Variants in HIPK2 observed in about 807,000 individuals in gnomAD.
The protein encoded by HIPK2 is homeodomain-interacting protein kinase 2.
Under a neutral mutation model 113.7 loss-of-function variants are expected in HIPK2, and 27 were observed. The ratio of observed to expected loss-of-function variants is 0.24; its 90% CI spans 0.17 to 0.33. The LOEUF (loss-of-function observed/expected upper bound fraction) is 0.33. HIPK2 is among the 10% of genes least tolerant of loss of function. The pLI is 1.00. For missense variants in HIPK2, 1,257 were observed against 1,588.0 expected (o/e 0.79, Z 3.54); for synonymous variants, 631 against 642.2 (o/e 0.98, Z 0.26).
chr7:139,668,266 AGGTATGATTTACT>A (rs1393731798), intron 2 of HIPK2, among the ~76,000 whole-genome samples: 1 of 152,052 alleles, frequency 6.6e-6, no homozygotes, highest in Non-Finnish European at 1.5e-5. Context: ...TATTTTAAAA[AGGTATGATTTACT>A]GGCCGAGTGC....
At chr7:139,677,687 T>C (rs1199294357) in intron 2 of HIPK2, among the ~76,000 whole-genome samples, 1 of 152,206 alleles carries the variant, frequency 6.6e-6, no homozygotes, top group Non-Finnish European at 1.5e-5. Context: ...CAACCAGTTA[T>C]CTACATTAGG....
chr7:139,604,683 CAAAAAAAAAAAAAAAAA>C (rs11353760), intron 9 of HIPK2, among the ~76,000 whole-genome samples: 1 of 48,770 alleles, frequency 2.1e-5, no homozygotes, highest in African/African-American at 7.7e-5. Context: ...GACTCCGTCT[CAAAAAAAAAAAAAAAAA>C]AAAAAAAAAG....
intron 2 of HIPK2, among the ~76,000 whole-genome samples, chr7:139,645,623 A>G (rs184237630): frequency 1.3e-5 from 2 of 152,344 alleles, no homozygotes; most frequent in Admixed American, 1.3e-4. Flanking sequence ...TCCTGTAAGT[A>G]CAGGATGCGG....
At chr7:139,594,950 T>G (rs1349762021) in intron 12 of HIPK2, among the ~76,000 whole-genome samples, 1 of 152,164 alleles carries the variant, frequency 6.6e-6, no homozygotes, top group East Asian at 1.9e-4. Flanking sequence ...TCTGGGGGCC[T>G]TAGGGGCTGC....
chr7:139,591,007 G>A (rs75442834), intron 12 of HIPK2, among the ~76,000 whole-genome samples: 23,508 of 151,924 alleles, frequency 0.15, 2,020 homozygotes, highest in African/African-American at 0.22. Flanking sequence ...ACTGTGCCTG[G>A]GGAATTTAAA....
chr7:139,649,111 A>G (rs1801358273), intron 2 of HIPK2, among the ~76,000 whole-genome samples: 1 of 152,196 alleles, frequency 6.6e-6, no homozygotes, highest in African/African-American at 2.4e-5. Flanking sequence ...TCTAACCTAG[A>G]GGTGACTTGC....
intron 12 of HIPK2, among the ~76,000 whole-genome samples, chr7:139,588,270 A>T (rs1051911299): frequency 6.6e-6 from 1 of 151,876 alleles, no homozygotes; most frequent in African/African-American, 2.4e-5. Flanking sequence ...GTGAGCAGAG[A>T]TCACACCACC....
chr7:139,752,745 AAG>A (rs1796299144), intron 1 of HIPK2, among the ~76,000 whole-genome samples: 1 of 151,880 alleles, frequency 6.6e-6, no homozygotes, highest in African/African-American at 2.4e-5. Context: ...AAAAAAGAAA[AAG>A]AGAAAGAAAA....
Position 139,651,885 on chromosome 7 carries a change from T to C in HIPK2, c.1104-20160A>G, listed in dbSNP as rs200797385. ...TGTTTGTTTATGGAGGTCTTCGTTA[T>C]ATAAGACCTCCGTGGAGAGGAACTG... is the stretch of plus-strand genomic sequence containing the variant. On this transcript the variant is annotated intron_variant, in intron 2 of 14. Coordinates refer to ENST00000406875, the MANE Select transcript of HIPK2 (RefSeq NM_022740.5). Among the ~76,000 whole-genome samples the C allele has an allele frequency of 7.9e-5, 12 of 152,338 alleles. No individual in the cohort carries two copies. In the East Asian group the frequency reaches 2.3e-3, roughly 29 times the overall value.
At chr7:139,774,755 T>C (rs56086211) in intron 1 of HIPK2, among the ~76,000 whole-genome samples, 9,673 of 152,260 alleles carry the variant, frequency 0.064, 1,033 homozygotes, top group African/African-American at 0.22. Context: ...TGGTTGGCCT[T>C]TGCACTAGAT....
At position 139,586,297 on chromosome 7, in the gene HIPK2, A is replaced by T. The variant is rs141982709; in HGVS notation, c.2718-2233T>A. Among the ~76,000 whole-genome samples the T allele has an allele frequency of 4.9e-3, 750 of 152,316 alleles. 7 individuals are homozygous for T. The highest frequency in any genetic ancestry group is 0.017 in the African/African-American group (702 of 41,578). ...CTAAACACAGAGTTACCCTATAGCA[A>T]TTCCATTCCTAAGTACATTCTCAAA... is the stretch of plus-strand genomic sequence containing the variant. On this transcript the variant is annotated intron_variant, in intron 12 of 14. Transcript: ENST00000406875.
At chr7:139,743,018 G>A (rs767435339) in intron 1 of HIPK2, among the ~76,000 whole-genome samples, 3 of 152,212 alleles carry the variant, frequency 2.0e-5, no homozygotes, top group Non-Finnish European at 4.4e-5. Flanking sequence ...ACAAACTAGT[G>A]GAGATGGCTC....
At chr7:139,718,992 G>A (rs766978535) in intron 1 of HIPK2, among the ~76,000 whole-genome samples, 2 of 152,126 alleles carry the variant, frequency 1.3e-5, no homozygotes, top group Non-Finnish European at 2.9e-5. Flanking sequence ...GTTTCAGCCC[G>A]TTCTTCTTAA....
At chr7:139,675,513 T>C (rs541793485) in intron 2 of HIPK2, among the ~76,000 whole-genome samples, 8 of 152,180 alleles carry the variant, frequency 5.3e-5, no homozygotes, top group African/African-American at 1.9e-4. Flanking sequence ...CGACACAGCA[T>C]GAGGGGCAGG....
chr7:139,592,956 G>A (rs1184572272), intron 12 of HIPK2, among the ~76,000 whole-genome samples: 1 of 152,070 alleles, frequency 6.6e-6, no homozygotes, highest in Non-Finnish European at 1.5e-5. Context: ...AGCTGACTCC[G>A]CCCTTCTCAG....
chr7:139,678,118 T>C (rs1481317732), intron 2 of HIPK2, among the ~76,000 whole-genome samples: 1 of 152,246 alleles, frequency 6.6e-6, no homozygotes, highest in Non-Finnish European at 1.5e-5. Context: ...TTCTGGATAT[T>C]AGCCCTTTGT....
At chr7:139,682,398 G>C (rs1262645274) in intron 2 of HIPK2, among the ~76,000 whole-genome samples, 1 of 152,156 alleles carries the variant, frequency 6.6e-6, no homozygotes, top group East Asian at 1.9e-4. Flanking sequence ...CTATACATGT[G>C]CAATGAGGGG....
At chr7:139,675,398 G>A (rs1436816368) in intron 2 of HIPK2, among the ~76,000 whole-genome samples, 1 of 152,122 alleles carries the variant, frequency 6.6e-6, no homozygotes, top group Non-Finnish European at 1.5e-5. Context: ...CAAGGCCACA[G>A]GTACTAGGCG....
At chr7:139,646,845 GAA>G (rs1288275619) in intron 2 of HIPK2, among the ~76,000 whole-genome samples, 1 of 152,058 alleles carries the variant, frequency 6.6e-6, no homozygotes, top group Non-Finnish European at 1.5e-5. Context: ...AGTCAGAGAA[GAA>G]AGAGTGAGGG....
Sources: gnomAD v4.1 joint callset for allele counts (sites outside exome capture counted in the v4.1 genomes callset) on GRCh38, gnomAD v4.1.1 for gene constraint, MANE v1.5 for transcripts, NCBI Gene and HGNC (gene_info 2026-07-23, HGNC 2026-07-21) for gene names.